The following RHOBTB2 variants were observed in gnomAD, a reference collection of about 807,000 sequenced individuals.
RHOBTB2 encodes the protein rho-related BTB domain-containing protein 2.
Under a neutral mutation model 66.5 loss-of-function variants are expected in RHOBTB2, and 39 were observed. The observed-to-expected ratio is 0.59, with a 90% confidence interval of 0.45 to 0.77. The LOEUF (loss-of-function observed/expected upper bound fraction) is 0.77, where lower values mean the gene tolerates loss of function less well. RHOBTB2 is among the 30% of genes least tolerant of loss of function. The pLI is 0.00. For synonymous variants in RHOBTB2, 390 were observed against 395.0 expected, an observed-to-expected ratio of 0.99 and a Z score of 0.15; for missense variants, 755 against 999.1, an observed-to-expected ratio of 0.76 and a Z score of 3.29.
chr8:22,991,742 G>A (rs1051807269), intron 1 of RHOBTB2, among the ~76,000 whole-genome samples: 41 of 152,174 alleles, frequency 2.7e-4, no homozygotes, highest in Non-Finnish European at 1.0e-4. Flanking sequence ...GCTGGGCAGG[G>A]TCCAGCCTGG....
In RHOBTB2 at chr8:23,004,486, G is replaced by A. The variant is rs957580860; in HGVS notation, c.52G>A (p.Val18Ile). The A allele has an allele frequency of 5.6e-6, 9 of 1,614,242 alleles. No homozygotes were observed. The highest frequency in any genetic ancestry group is 1.3e-5 in the African/African-American group (1 of 75,066). Residue 18 changes from valine (V) to isoleucine (I), a missense_variant, in exon 2 of 10, where the codon GTT (valine) becomes ATT (isoleucine). Val to Ile is a conservative substitution (Grantham distance 29). Transcript: ENST00000251822. The surrounding 1 kb of genome is among the most constrained non-coding windows in gnomAD (Gnocchi z 6.4). ...GCCAAACGTAGAGACCATCAAGTGC[G>A]TTGTGGTGGGGGACAACGCCGTGGG... ...ERPNVETIKC[V>I]VVGDNAVGKT...
upstream of RHOBTB2, chr8:22,995,765 C>A (rs899911384): frequency 1.8e-5 from 24 of 1,341,638 alleles, no homozygotes; most frequent in Non-Finnish European, 2.4e-5. Flanking sequence ...GGTAGGAACA[C>A]CACGTGCCCC....
chr8:22,985,529 A>G (rs553096573), upstream of RHOBTB2, among the ~76,000 whole-genome samples: 4 of 152,340 alleles, frequency 2.6e-5, no homozygotes, highest in East Asian at 7.7e-4. Context: ...GCATGGGAAC[A>G]TGATGGCAAT....
At chr8:23,014,254 A>G (rs572393821) in intron 7 of RHOBTB2, among the ~76,000 whole-genome samples, 37 of 152,242 alleles carry the variant, frequency 2.4e-4, no homozygotes, top group Non-Finnish European at 4.6e-4. Context: ...TTAGTACACA[A>G]TTTTTTACAA....
intron 1 of RHOBTB2, among the ~76,000 whole-genome samples, chr8:22,990,365 C>G (rs551364498): frequency 1.3e-5 from 2 of 152,314 alleles, no homozygotes; most frequent in East Asian, 3.9e-4. Context: ...CCCCAGCACC[C>G]CACCTTGCAG....
At chr8:23,005,541 A>G in intron 3 of RHOBTB2, 66 bp downstream of exon 3, 1 of 1,063,968 alleles carries the variant, frequency 9.4e-7, no homozygotes, top group Middle Eastern at 2.0e-4. Flanking sequence ...TTTTCCCAGG[A>G]ACAAAGCACC....
chr8:22,999,417 G>T (rs749086419), upstream of RHOBTB2, among the ~76,000 whole-genome samples: 56 of 151,506 alleles, frequency 3.7e-4, no homozygotes, highest in Non-Finnish European at 6.6e-4. Flanking sequence ...CGGGAGGGGC[G>T]GAAGAGCGCG....
chr8:22,959,291 G>A, the RHOBTB2 span, among the ~76,000 whole-genome samples: 1 of 152,212 alleles, frequency 6.6e-6, no homozygotes, highest in African/African-American at 2.4e-5. Context: ...CTATGGCCCA[G>A]GCTGGAGTGC....
the RHOBTB2 span, among the ~76,000 whole-genome samples, chr8:22,980,757 T>C: frequency 6.6e-6 from 1 of 152,240 alleles, no homozygotes; most frequent in Non-Finnish European, 1.5e-5. Flanking sequence ...ATATTTAAAA[T>C]CAGAGCTCTA....
At chr8:22,981,621 G>T in the RHOBTB2 span, among the ~76,000 whole-genome samples, 1 of 152,194 alleles carries the variant, frequency 6.6e-6, no homozygotes, top group African/African-American at 2.4e-5. Context: ...TTCTTCTGTG[G>T]GGGTTGAAAG....
At chr8:22,957,404 T>A in the RHOBTB2 span, among the ~76,000 whole-genome samples, 1,113 of 152,344 alleles carry the variant, frequency 7.3e-3, 11 homozygotes, top group African/African-American at 0.025. Context: ...TGGGCTGTTT[T>A]TCAAACACAT....
At chr8:22,951,777 C>A in the RHOBTB2 span, among the ~76,000 whole-genome samples, 2 of 152,122 alleles carry the variant, frequency 1.3e-5, no homozygotes, top group African/African-American at 4.8e-5. Context: ...TTGCTTCAGG[C>A]CATCTGGATG....
At chr8:22,969,744 A>G in the RHOBTB2 span, among the ~76,000 whole-genome samples, 1 of 152,314 alleles carries the variant, frequency 6.6e-6, no homozygotes, top group East Asian at 1.9e-4. Context: ...AGAATTTTAC[A>G]AATTATAGTT....
Position 23,019,461 on chromosome 8 carries a change from G to A in RHOBTB2, c.*1992G>A, listed in dbSNP as rs554460376. 3 of 152,556 alleles carry A rather than the reference G, an allele frequency of 2.0e-5. No individual in the cohort carries two copies. The highest frequency in any genetic ancestry group is 7.2e-5 in the African/African-American group (3 of 41,576). The allele number at this position is 152,556 out of a possible 1,614,324, so 9.5% of individuals were successfully genotyped here. A position where few individuals can be genotyped will look rare whatever the true frequency, so the allele number is the denominator to read the frequency against. Reference sequence around the variant, plus strand: ...CAGCGCAGCCCAGGGCTCCAAGTGAGGCCCAGAAGCCCATGGGCAGGGCTG... The same window carrying A: ...CAGCGCAGCCCAGGGCTCCAAGTGAAGCCCAGAAGCCCATGGGCAGGGCTG... On this transcript the variant is annotated 3_prime_UTR_variant, in exon 10 of 10. Transcript: ENST00000251822.
chr8:22,958,072 C>A, the RHOBTB2 span, among the ~76,000 whole-genome samples: 1 of 152,228 alleles, frequency 6.6e-6, no homozygotes, highest in Non-Finnish European at 1.5e-5. Flanking sequence ...TCTTTGTAGA[C>A]GTGCACTGGC....
At chr8:22,956,227 T>C in the RHOBTB2 span, among the ~76,000 whole-genome samples, 7 of 152,350 alleles carry the variant, frequency 4.6e-5, no homozygotes, top group East Asian at 1.2e-3. Flanking sequence ...ATTTATTCAG[T>C]GCTCACAAGT....
Position 23,017,514 on chromosome 8 carries a change from G to A in RHOBTB2, c.*45G>A, listed in dbSNP as rs771294852. On this transcript the variant is annotated 3_prime_UTR_variant, in exon 10 of 10. Transcript: ENST00000251822. This position sits in a 1 kb window ranked among gnomAD's most constrained non-coding sequence, Gnocchi z 5.3. Reference sequence around the variant, plus strand: ...GACCCTGCTGCTGTTGTCCCCATCCGCCTTCACCCCTCTGCTCTTCCGCAT... The same window carrying A: ...GACCCTGCTGCTGTTGTCCCCATCCACCTTCACCCCTCTGCTCTTCCGCAT... The A allele has an allele frequency of 6.4e-5, 100 of 1,550,800 alleles. No homozygotes were observed. Among genetic ancestry groups the A allele is most frequent in the Middle Eastern group, 2.0e-4 (1 of 4,938 alleles).
intron 6 of RHOBTB2, among the ~76,000 whole-genome samples, chr8:23,009,257 A>G (rs1811065609): frequency 6.6e-6 from 1 of 152,102 alleles, no homozygotes; most frequent in South Asian, 2.1e-4. Flanking sequence ...TGCCTCTCTA[A>G]TCAGTGACCC....
chr8:23,011,536 T>C (rs946165708), intron 7 of RHOBTB2, among the ~76,000 whole-genome samples: 5 of 152,168 alleles, frequency 3.3e-5, no homozygotes, highest in African/African-American at 1.2e-4. Context: ...GCTCAGCTTT[T>C]AGTGTGGACA....
Sources: gnomAD v4.1 joint callset for allele counts (sites outside exome capture counted in the v4.1 genomes callset) on GRCh38, gnomAD v4.1.1 for gene constraint, Gnocchi (gnomAD v3.1) non-coding constraint, MANE v1.5 for transcripts, NCBI Gene and HGNC (gene_info 2026-07-23, HGNC 2026-07-21) for gene names.